Variants in ITSN2 observed in about 807,000 individuals in gnomAD.
The protein encoded by ITSN2 is intersectin 2.
ITSN2 carries 156 observed loss-of-function variants against 243.7 expected under a neutral mutation model. That is an observed-to-expected ratio of 0.64 (90% CI 0.56 to 0.73). The LOEUF (loss-of-function observed/expected upper bound fraction) is 0.73. Ranked by LOEUF, ITSN2 falls within the 30% of genes least tolerant of loss-of-function variation. The pLI is 0.00. For missense variants in ITSN2, 1,801 were observed against 1,996.1 expected, an observed-to-expected ratio of 0.90 and a Z score of 1.86; for synonymous variants, 703 against 699.9, an observed-to-expected ratio of 1.00 and a Z score of -0.07.
intron 29 of ITSN2, among the ~76,000 whole-genome samples, chr2:24,230,090 CTG>C (rs1671433408): frequency 1.3e-5 from 2 of 152,178 alleles, no homozygotes; most frequent in African/African-American, 2.4e-5. Flanking sequence ...TTCACACGTT[CTG>C]CTGTATACTC....
intron 2 of ITSN2, among the ~76,000 whole-genome samples, chr2:24,315,881 T>C (rs1283668655): frequency 6.6e-6 from 1 of 152,198 alleles, no homozygotes; most frequent in Non-Finnish European, 1.5e-5. Flanking sequence ...AATTAAACCC[T>C]TTTTTTCATA....
chr2:24,298,421 G>T (rs193225210), intron 13 of ITSN2, among the ~76,000 whole-genome samples: 3 of 151,862 alleles, frequency 2.0e-5, no homozygotes, highest in Admixed American at 6.6e-5. Context: ...CTCCCAAAGC[G>T]TTGGGATTAC....
intron 2 of ITSN2, among the ~76,000 whole-genome samples, chr2:24,322,281 G>A (rs763355663): frequency 6.6e-6 from 1 of 152,164 alleles, no homozygotes; most frequent in Non-Finnish European, 1.5e-5. Context: ...TGCTATCACT[G>A]TTTATCAGAG....
intron 2 of ITSN2, among the ~76,000 whole-genome samples, chr2:24,320,286 G>A (rs980200315): frequency 7.2e-5 from 11 of 151,838 alleles, no homozygotes; most frequent in East Asian, 1.9e-4. Context: ...TTGGGAGGCC[G>A]AGGAGGGTGG....
chr2:24,324,765 A>G (rs767286160), intron 2 of ITSN2, among the ~76,000 whole-genome samples: 11 of 150,880 alleles, frequency 7.3e-5, no homozygotes, highest in Non-Finnish European at 1.3e-4. Flanking sequence ...AGGCAGAAGG[A>G]ATTGCTTGAG....
chr2:24,286,630 C>T (rs933301261), intron 15 of ITSN2, among the ~76,000 whole-genome samples: 2 of 152,164 alleles, frequency 1.3e-5, no homozygotes, highest in African/African-American at 4.8e-5. Context: ...CTTCACCAAT[C>T]GAATCCTCAG....
intron 1 of ITSN2, among the ~76,000 whole-genome samples, chr2:24,344,113 T>A (rs550318493): frequency 6.6e-6 from 1 of 152,348 alleles, no homozygotes; most frequent in Admixed American, 6.5e-5. Flanking sequence ...ATTACAGATA[T>A]CCTTCCATAG....
intron 1 of ITSN2, among the ~76,000 whole-genome samples, chr2:24,347,216 T>C (rs1442313334): frequency 1.3e-5 from 2 of 152,138 alleles, no homozygotes; most frequent in African/African-American, 2.4e-5. Context: ...CAAGGATGCA[T>C]AGTACAGTTT....
chr2:24,284,813 A>G lies in ITSN2; in HGVS notation c.1894T>C (p.Cys632Arg). ...CGNMDDSVLQ[C>R]LLSLLSCLNN... Reference sequence around the variant, plus strand: ...AGACAGCTTAGCAGAGACAAAAGGCACTGAAGAACAGAGTCATCCATATTC... The same window carrying G: ...AGACAGCTTAGCAGAGACAAAAGGCGCTGAAGAACAGAGTCATCCATATTC... The change falls in exon 17 of 40, where the codon TGC (cysteine) becomes CGC (arginine). Residue 632 changes from cysteine to arginine, a missense_variant. By Grantham distance (180) the Cys-to-Arg change is radical. Transcript: ENST00000355123. The G allele has an allele frequency of 6.2e-7, 1 of 1,607,532 alleles. No individual in the cohort carries two copies. The highest frequency in any genetic ancestry group is 1.7e-5 in the Admixed American group (1 of 59,934).
intron 15 of ITSN2, among the ~76,000 whole-genome samples, chr2:24,289,394 T>A (rs1679948957): frequency 1.3e-5 from 2 of 152,210 alleles, no homozygotes; most frequent in Admixed American, 1.3e-4. Context: ...GTTTACTTGA[T>A]CTCTTTTTTG....
intron 2 of ITSN2, among the ~76,000 whole-genome samples, chr2:24,324,534 T>C (rs1229666817): frequency 6.6e-6 from 1 of 152,112 alleles, no homozygotes; most frequent in Non-Finnish European, 1.5e-5. Context: ...TTCATATTCA[T>C]TCATTCAGTA....
intron 33 of ITSN2, 41 bp downstream of exon 33, chr2:24,212,609 T>C: frequency 1.3e-6 from 2 of 1,504,970 alleles, no homozygotes; most frequent in East Asian, 2.3e-5. Flanking sequence ...CAGCGCATCC[T>C]GCTCCTAACT....
At chr2:24,298,903 G>T in intron 12 of ITSN2, 89 bp from the exon 13 acceptor site, 2 of 1,259,136 alleles carry the variant, frequency 1.6e-6, no homozygotes, top group Non-Finnish European at 1.1e-6. Flanking sequence ...AAGTCAGGCA[G>T]AGTTTAGCAC....
chr2:24,223,284 A>C (rs1670654505), intron 29 of ITSN2, among the ~76,000 whole-genome samples: 1 of 152,234 alleles, frequency 6.6e-6, no homozygotes, highest in African/African-American at 2.4e-5. Context: ...GACAGTTCTA[A>C]GGAAGACAGC....
chr2:24,227,977 G>C (rs1671211274), intron 29 of ITSN2, among the ~76,000 whole-genome samples: 1 of 152,196 alleles, frequency 6.6e-6, no homozygotes, highest in South Asian at 2.1e-4. Context: ...CTGACAGGTA[G>C]TCCAGGAGAA....
At chr2:24,307,635 G>A (rs1303260547) in intron 8 of ITSN2, among the ~76,000 whole-genome samples, 2 of 152,146 alleles carry the variant, frequency 1.3e-5, no homozygotes, top group African/African-American at 4.8e-5. Context: ...TTAAAAAATA[G>A]TTATCACATA....
intron 27 of ITSN2, 80 bp from the exon 28 acceptor site, chr2:24,246,973 A>G: frequency 1.0e-6 from 1 of 981,932 alleles, no homozygotes; most frequent in South Asian, 1.5e-5. Context: ...AAATTAGAAA[A>G]ACCATAAATG....
In ITSN2 at chr2:24,254,419, C is replaced by T; in HGVS notation, c.2901G>A (p.Leu967=). The T allele has an allele frequency of 6.2e-7, 1 of 1,610,930 alleles. No homozygotes were observed. Among genetic ancestry groups the T allele is most frequent in the Non-Finnish European group, 8.5e-7 (1 of 1,177,522 alleles). The part of the protein sequence containing the change: ...SEVKREEPEA[L]YAAVNKKPTS... ...TAGGTTTCTTATTTACAGCTGCATACAAAGCTTCTGGTCTACCAAATATAT... is the reference window on the plus strand; with the variant it reads ...TAGGTTTCTTATTTACAGCTGCATATAAAGCTTCTGGTCTACCAAATATAT... The change falls in exon 24 of 40, where the codon TTG becomes TTA. Residue 967 remains leucine (L), a synonymous_variant. Transcript: ENST00000355123.
intron 36 of ITSN2, among the ~76,000 whole-genome samples, 189 bp from the exon 37 acceptor site, chr2:24,208,508 T>A (rs1477766831): frequency 6.6e-6 from 1 of 152,220 alleles, no homozygotes; most frequent in East Asian, 1.9e-4. Flanking sequence ...GTAGTGACCC[T>A]TCTTGGCTGA....
Sources: allele counts gnomAD v4.1 joint callset (sites outside exome capture counted in the v4.1 genomes callset), GRCh38; gene constraint gnomAD v4.1.1; transcripts MANE v1.5; gene names NCBI Gene and HGNC (gene_info 2026-07-23, HGNC 2026-07-21).